The following WWOX variants were observed in gnomAD, a reference collection of about 807,000 sequenced individuals.
WWOX encodes the protein WW domain-containing oxidoreductase.
In WWOX, 69 loss-of-function variants were observed where a neutral mutation model predicts 46.2. The observed-to-expected ratio is 1.49, with a 90% CI of 1.23 to 1.82. The LOEUF (loss-of-function observed/expected upper bound fraction) is 1.82. Ranked by LOEUF, WWOX falls within the 40% of genes most tolerant of loss-of-function variation. The probability of loss-of-function intolerance (pLI) is 0.00; values close to 1 mark genes in which losing one functional copy is unlikely to be tolerated. For missense variants in WWOX, 919 were observed against 542.6 expected (o/e 1.69, Z -6.89); for synonymous variants, 359 against 202.6 (o/e 1.77, Z -6.56).
chr16:78,161,701 A>G (rs906916021), intron 4 of WWOX, among the ~76,000 whole-genome samples: 16 of 152,306 alleles, frequency 1.1e-4, no homozygotes, highest in African/African-American at 3.1e-4. Context: ...TTGGCCGCCC[A>G]CGGTGCTAGA....
intron 8 of WWOX, among the ~76,000 whole-genome samples, chr16:78,832,715 C>G (rs941582338): frequency 1.4e-4 from 22 of 152,124 alleles, no homozygotes; most frequent in Admixed American, 7.9e-4. Context: ...AAAGAATGGA[C>G]AACCCAAGGG....
At chr16:78,293,774 C>T (rs1474156191) in intron 5 of WWOX, among the ~76,000 whole-genome samples, 1 of 151,802 alleles carries the variant, frequency 6.6e-6, no homozygotes, top group Admixed American at 6.6e-5. Flanking sequence ...TCAGGAGTTC[C>T]AGACCAGACT....
At chr16:78,428,037 C>T (rs768671046) in intron 7 of WWOX, among the ~76,000 whole-genome samples, 8 of 152,138 alleles carry the variant, frequency 5.3e-5, no homozygotes, top group South Asian at 2.1e-4. Flanking sequence ...CAGTGCACTC[C>T]AGCCTGGGTG....
chr16:78,915,847 C>G (rs7190263), intron 8 of WWOX, among the ~76,000 whole-genome samples: 3,840 of 152,288 alleles, frequency 0.025, 164 homozygotes, highest in African/African-American at 0.088. Flanking sequence ...TTGATCACCA[C>G]AGCTTTATAA....
chr16:78,341,835 CAG>C (rs1412606683), intron 5 of WWOX, among the ~76,000 whole-genome samples: 1 of 120,192 alleles, frequency 8.3e-6, no homozygotes, highest in Admixed American at 8.1e-5. Context: ...GGAAGGTTAA[CAG>C]GGCATGGTGG....
At chr16:78,883,954 G>C (rs911605844) in intron 8 of WWOX, among the ~76,000 whole-genome samples, 9 of 151,920 alleles carry the variant, frequency 5.9e-5, no homozygotes, top group Non-Finnish European at 7.4e-5. Context: ...ATTTACATAG[G>C]ATCAAATATA....
chr16:79,195,056 AT>A (rs1378440569), intron 8 of WWOX, among the ~76,000 whole-genome samples: 2 of 152,102 alleles, frequency 1.3e-5, no homozygotes, highest in Non-Finnish European at 2.9e-5. Context: ...ATATGGTGTG[AT>A]TTGGTCATTC....
chr16:78,777,536 T>C (rs1310718106), intron 8 of WWOX, among the ~76,000 whole-genome samples: 3 of 152,160 alleles, frequency 2.0e-5, no homozygotes, highest in African/African-American at 7.2e-5. Context: ...CTGGTCCTAC[T>C]GAGTGGTCAG....
At chr16:78,836,672 A>C (rs1189073876) in intron 8 of WWOX, among the ~76,000 whole-genome samples, 1 of 152,202 alleles carries the variant, frequency 6.6e-6, no homozygotes, top group Non-Finnish European at 1.5e-5. Flanking sequence ...TGCGGGGTGT[A>C]GAAAATGACA....
At chr16:78,458,102 C>T (rs1182349485) in intron 8 of WWOX, among the ~76,000 whole-genome samples, 4 of 151,826 alleles carry the variant, frequency 2.6e-5, no homozygotes, top group Non-Finnish European at 5.9e-5. Context: ...CCTGACTTCT[C>T]ATCCTGGAGT....
chr16:79,023,054 A>T (rs554781696), intron 8 of WWOX, among the ~76,000 whole-genome samples: 7 of 152,132 alleles, frequency 4.6e-5, no homozygotes, highest in Non-Finnish European at 1.0e-4. Context: ...TGAAAAAACA[A>T]AAATAATACC....
At chr16:79,169,990 G>T (rs1035410259) in intron 8 of WWOX, among the ~76,000 whole-genome samples, 2 of 152,120 alleles carry the variant, frequency 1.3e-5, no homozygotes, top group African/African-American at 4.8e-5. Flanking sequence ...CTCCTGCAGG[G>T]CATTGCAATC....
intron 8 of WWOX, among the ~76,000 whole-genome samples, chr16:78,843,963 A>G (rs1348956751): frequency 6.6e-6 from 1 of 152,140 alleles, no homozygotes; most frequent in Non-Finnish European, 1.5e-5. Flanking sequence ...TTTCCTAATT[A>G]TGTGTAATTA....
At chr16:79,003,636 G>C (rs542854583) in intron 8 of WWOX, among the ~76,000 whole-genome samples, 1 of 152,236 alleles carries the variant, frequency 6.6e-6, no homozygotes, top group South Asian at 2.1e-4. Flanking sequence ...ACATGTCCAG[G>C]GCTTTGTCAG....
At chr16:78,528,188 G>A (rs1448263604) in intron 8 of WWOX, among the ~76,000 whole-genome samples, 4 of 18,032 alleles carry the variant, frequency 2.2e-4, no homozygotes, top group Non-Finnish European at 4.3e-4. Flanking sequence ...TTTTTTTTTT[G>A]CATTTTTAGT....
chr16:78,149,757 A>G (rs952082619), intron 4 of WWOX, among the ~76,000 whole-genome samples: 12 of 152,174 alleles, frequency 7.9e-5, no homozygotes, highest in African/African-American at 2.7e-4. Context: ...CATGATTTGT[A>G]TTTGACTGAC....
At chr16:78,103,459 C>G (rs1021203070) in intron 1 of WWOX, among the ~76,000 whole-genome samples, 1 of 152,006 alleles carries the variant, frequency 6.6e-6, no homozygotes, top group African/African-American at 2.4e-5. Context: ...GGAGGGCTCA[C>G]TCTCTGGACC....
chr16:78,672,568 C>T (rs954071362), intron 8 of WWOX, among the ~76,000 whole-genome samples: 1 of 152,204 alleles, frequency 6.6e-6, no homozygotes, highest in African/African-American at 2.4e-5. Context: ...GTCATTGCAT[C>T]TCCAAACTGT....
intron 8 of WWOX, among the ~76,000 whole-genome samples, chr16:78,457,987 G>A (rs1469757225): frequency 6.6e-6 from 1 of 151,096 alleles, no homozygotes; most frequent in Non-Finnish European, 1.5e-5. Context: ...TGAGGCACCA[G>A]AACTGCCTGA....
Sources: gnomAD v4.1 joint callset for allele counts (sites outside exome capture counted in the v4.1 genomes callset) on GRCh38, gnomAD v4.1.1 for gene constraint, MANE v1.5 for transcripts, NCBI Gene and HGNC (gene_info 2026-07-23, HGNC 2026-07-21) for gene names.